ETV6: variants seen among roughly 807,000 people sequenced by gnomAD.
ETV6 encodes ETS variant transcription factor 6, also known as transcription factor ETV6.
Under a neutral mutation model 51.1 loss-of-function variants are expected in ETV6, and 16 were observed. The ratio of observed to expected loss-of-function variants is 0.31; its 90% confidence interval spans 0.21 to 0.48. The LOEUF (loss-of-function observed/expected upper bound fraction) is 0.48. ETV6 is among the 20% of genes least tolerant of loss of function. ETV6 has a pLI of 0.99. For missense variants in ETV6, 458 were observed against 594.8 expected (o/e 0.77, Z 2.39); for synonymous variants, 240 against 224.1 (o/e 1.07, Z -0.64).
rs371083937 is a variant in ETV6 at position 11,892,503 on chromosome 12, A to AT, written c.*1471dup. The AT allele has an allele frequency of 0.012, 2,509 of 210,676 alleles. 4 individuals are homozygous for AT. Among genetic ancestry groups the AT allele is most frequent in the East Asian group, 0.017 (256 of 14,766 alleles). 13.1% of individuals were successfully genotyped at this position (210,676 alleles called of 1,614,324 possible). The stretch of plus-strand genomic sequence containing the variant: ...TTAGTATTTTTGAAAGCTGTTTTAG[A>AT]TTTTTTTTTTTTTTCCTTTTCTAGC... On this transcript the variant is annotated 3_prime_UTR_variant, in exon 8 of 8. Coordinates refer to ENST00000396373, the MANE Select transcript of ETV6 (RefSeq NM_001987.5).
At chr12:11,759,703 A>G (rs975386114) in intron 2 of ETV6, among the ~76,000 whole-genome samples, 7 of 152,064 alleles carry the variant, frequency 4.6e-5, no homozygotes, top group African/African-American at 1.7e-4. Context: ...GTTCCTGTCC[A>G]TGAGCTCCAC....
rs1256001247 is a variant in ETV6, at chr12:11,853,946, A to G, written c.463+385A>G. Among the ~76,000 whole-genome samples the G allele has an allele frequency of 2.0e-5, 3 of 152,322 alleles. No homozygotes were observed. In the East Asian group the frequency reaches 5.8e-4, roughly 29 times the overall value. On this transcript the variant is annotated intron_variant, in intron 4 of 7. Transcript: ENST00000396373. The stretch of plus-strand genomic sequence containing the variant: ...TTTGTGGAAGACAGTTTTTCCACCA[A>G]CAGTGGAGGTGAGGGATGGTTTGGG...
chr12:11,891,479 A>T lies in ETV6; in HGVS notation c.*433A>T. 2.0e-6 allele frequency: 1 copy of T among 488,144 alleles called. No individual in the cohort carries two copies. The allele number at this position is 488,144 out of a possible 1,614,324, so 30.2% of individuals were successfully genotyped here. On this transcript the variant is annotated 3_prime_UTR_variant, in exon 8 of 8. Transcript: ENST00000396373. ...ATCTATTATATATATATTTTTTGCAAATCTCACAAAGTGCGGCAAGCCCAG... is the reference window on the plus strand; with the variant it reads ...ATCTATTATATATATATTTTTTGCATATCTCACAAAGTGCGGCAAGCCCAG...
At chr12:11,744,870 C>T (rs2710289) in intron 1 of ETV6, among the ~76,000 whole-genome samples, 148,881 of 152,038 alleles carry the variant, frequency 0.98, 72,964 homozygotes, top group Middle Eastern at 1. Flanking sequence ...TTTTACTTTC[C>T]GCTTACTATC....
intron 2 of ETV6, among the ~76,000 whole-genome samples, chr12:11,776,815 C>T (rs1373424757): frequency 6.6e-6 from 1 of 152,200 alleles, no homozygotes; most frequent in Admixed American, 6.5e-5. Flanking sequence ...TAACCCATCC[C>T]TAGGGAACAC....
intron 7 of ETV6, among the ~76,000 whole-genome samples, chr12:11,889,376 G>C (rs1947253693): frequency 6.6e-6 from 1 of 152,186 alleles, no homozygotes; most frequent in Non-Finnish European, 1.5e-5. Context: ...TCCATTTTGA[G>C]GAAATGAATG....
chr12:11,709,081 C>T (rs977162110), intron 1 of ETV6, among the ~76,000 whole-genome samples: 3 of 152,056 alleles, frequency 2.0e-5, no homozygotes, highest in African/African-American at 7.2e-5. Context: ...TTCCCCACCC[C>T]CCATTGTATT....
chr12:11,768,438 A>C (rs539107307), intron 2 of ETV6, among the ~76,000 whole-genome samples: 2 of 152,280 alleles, frequency 1.3e-5, no homozygotes, highest in African/African-American at 4.8e-5. Flanking sequence ...TAGAGATGGT[A>C]AGTAATTGGG....
chr12:11,679,330 A>G (rs951941698), intron 1 of ETV6, among the ~76,000 whole-genome samples: 4 of 152,210 alleles, frequency 2.6e-5, no homozygotes, highest in Non-Finnish European at 5.9e-5. Context: ...GTAAGACCAG[A>G]TGGTTGTTTG....
At chr12:11,887,487 C>T (rs1013550188) in intron 7 of ETV6, among the ~76,000 whole-genome samples, 5 of 152,034 alleles carry the variant, frequency 3.3e-5, no homozygotes, top group Non-Finnish European at 7.4e-5. Context: ...TGATGGCTCA[C>T]ACCTGTAATC....
chr12:11,665,817 A>G (rs1005878907), intron 1 of ETV6, among the ~76,000 whole-genome samples: 1 of 152,252 alleles, frequency 6.6e-6, no homozygotes, highest in African/African-American at 2.4e-5. Context: ...CCTGTGAGGC[A>G]TAAGTACTGA....
rs553916730 is a variant in ETV6 at position 11,766,234 on chromosome 12, T to A, written c.163+13655T>A. Among the ~76,000 whole-genome samples, 73 of 152,318 alleles carry A rather than the reference T, an allele frequency of 4.8e-4. 2 individuals are homozygous for A. The highest frequency in any genetic ancestry group is 1.7e-3 in the African/African-American group (70 of 41,562). ...CTCTGCTCAAAGGCATATGCTGGGCTCACTTCTGAGGGAAATTTCCTTTTT... is the reference window on the plus strand; with the variant it reads ...CTCTGCTCAAAGGCATATGCTGGGCACACTTCTGAGGGAAATTTCCTTTTT... On this transcript the variant is annotated intron_variant, in intron 2 of 7. Coordinates refer to ENST00000396373, the MANE Select transcript of ETV6 (RefSeq NM_001987.5).
chr12:11,833,420 G>A (rs1433452193), intron 2 of ETV6, among the ~76,000 whole-genome samples: 1 of 152,226 alleles, frequency 6.6e-6, no homozygotes, highest in Non-Finnish European at 1.5e-5. Flanking sequence ...GGGAAATAGA[G>A]GTTCCATGCT....
At chr12:11,801,097 C>T (rs1366265777) in intron 2 of ETV6, among the ~76,000 whole-genome samples, 1 of 152,156 alleles carries the variant, frequency 6.6e-6, no homozygotes, top group Admixed American at 6.6e-5. Flanking sequence ...TGTCCTCACT[C>T]ATCCCATGTG....
intron 5 of ETV6, among the ~76,000 whole-genome samples, chr12:11,872,494 CT>C (rs10528272): frequency 2.3e-3 from 332 of 142,644 alleles, no homozygotes; most frequent in African/African-American, 6.3e-3. Context: ...AATTATATTA[CT>C]TTTTTTTTTT....
intron 2 of ETV6, among the ~76,000 whole-genome samples, chr12:11,817,519 T>TTA (rs1946010679): frequency 6.6e-6 from 1 of 152,264 alleles, no homozygotes; most frequent in Non-Finnish European, 1.5e-5. Flanking sequence ...TGCTCTGAAC[T>TTA]TATAACTCTA....
In ETV6 at chr12:11,874,494, A is replaced by ATATGTGTATGTG. The variant is rs1946935925; in HGVS notation, c.1009+4525_1009+4526insTATGTGTATGTG. On this transcript the variant is annotated intron_variant, in intron 5 of 7. Transcript: ENST00000396373. Reference sequence around the variant, plus strand: ...CACACGTGTATGTGCGTGTGTACACACATATGTGTATGTGCGTGTGTACAC... The same window carrying ATATGTGTATGTG: ...CACACGTGTATGTGCGTGTGTACACATATGTGTATGTGCATATGTGTATGTGCGTGTGTACAC... Among the ~76,000 whole-genome samples the ATATGTGTATGTG allele has an allele frequency of 1.7e-4, 3 of 17,320 alleles. 1 individual carries two copies. The highest frequency in any genetic ancestry group is 3.5e-4 in the African/African-American group (3 of 8,584). The allele number at this position is 17,320 out of a possible 152,430, so 11.4% of individuals were successfully genotyped here. A position where few individuals can be genotyped will look rare whatever the true frequency, so the allele number is the denominator to read the frequency against.
At chr12:11,850,749 G>A (rs1014097779) in intron 3 of ETV6, among the ~76,000 whole-genome samples, 5 of 152,196 alleles carry the variant, frequency 3.3e-5, no homozygotes, top group African/African-American at 9.6e-5. Flanking sequence ...GGGCATGCCC[G>A]AGGAGGCACC....
chr12:11,795,024 C>A (rs554623005), intron 2 of ETV6, among the ~76,000 whole-genome samples: 1 of 152,318 alleles, frequency 6.6e-6, no homozygotes, highest in East Asian at 1.9e-4. Flanking sequence ...GTCACAAATA[C>A]TGTGATACTC....
Sources: allele counts gnomAD v4.1 joint callset (sites outside exome capture counted in the v4.1 genomes callset), GRCh38; gene constraint gnomAD v4.1.1; transcripts MANE v1.5; gene names NCBI Gene and HGNC (gene_info 2026-07-23, HGNC 2026-07-21).